FCRL4: variants seen among roughly 807,000 people sequenced by gnomAD.
The protein encoded by FCRL4 is Fc receptor-like protein 4.
Under a neutral mutation model 64.1 loss-of-function variants are expected in FCRL4, and 43 were observed. The ratio of observed to expected loss-of-function variants is 0.67; its 90% CI spans 0.53 to 0.87. FCRL4 has a LOEUF of 0.87. Among genes scored for constraint, FCRL4 ranks in the 40% least tolerant of loss-of-function variants. The pLI is 0.00. For missense variants in FCRL4, 656 were observed against 613.5 expected (o/e 1.07, Z -0.73); for synonymous variants, 253 against 239.8 (o/e 1.05, Z -0.51).
intron 1 of FCRL4, among the ~76,000 whole-genome samples, chr1:157,596,667 T>C (rs1652973784): frequency 6.6e-6 from 1 of 152,258 alleles, no homozygotes; most frequent in South Asian, 2.1e-4. Context: ...AAGGTTTCAA[T>C]TAATGGCTGC....
At chr1:157,595,964 C>A (rs1335460166) in intron 2 of FCRL4, among the ~76,000 whole-genome samples, 1 of 152,236 alleles carries the variant, frequency 6.6e-6, no homozygotes, top group Admixed American at 6.5e-5. Context: ...GGAGCCCCAG[C>A]CTCCCCCTCT....
intron 6 of FCRL4, among the ~76,000 whole-genome samples, chr1:157,582,990 A>G (rs907971224): frequency 6.6e-6 from 1 of 152,242 alleles, no homozygotes; most frequent in Non-Finnish European, 1.5e-5. Flanking sequence ...CCTTCCTGGT[A>G]ACCCTATTTC....
In FCRL4 at chr1:157,573,794, G is replaced by A. The variant is rs933941357; in HGVS notation, c.*1730C>T. ...TAATACTTCAGTATAAGCGCTGAAA[G>A]TGAATATCCTTTTGCTTTTATAAAA... is the stretch of plus-strand genomic sequence containing the variant. On this transcript the variant is annotated 3_prime_UTR_variant, in exon 12 of 12. Transcript: ENST00000271532. 1.6e-5 allele frequency: 3 copies of A among 186,168 alleles called. No homozygotes were observed. Among genetic ancestry groups the A allele is most frequent in the Non-Finnish European group, 3.4e-5 (3 of 88,068 alleles). 11.5% of individuals were successfully genotyped at this position (186,168 alleles called of 1,614,324 possible). A position where few individuals can be genotyped will look rare whatever the true frequency, so the allele number is the denominator to read the frequency against.
rs1440893770 is a variant in FCRL4, at chr1:157,578,559, T to C, written c.1361-17A>G. 1.3e-5 allele frequency: 21 copies of C among 1,607,534 alleles called. No individual in the cohort carries two copies. The highest frequency in any genetic ancestry group is 1.7e-5 in the Non-Finnish European group (20 of 1,174,004). On this transcript the variant is annotated splice_polypyrimidine_tract_variant and intron_variant, in intron 9 of 11. Coordinates refer to ENST00000271532, the MANE Select transcript of FCRL4 (RefSeq NM_031282.3). ...TGGGGTGTACTGGAAAGAAAAGACA[T>C]TTTCAAGGCTGTTCCTGTTAGTATT...
At position 157,596,390 on chromosome 1, in the gene FCRL4, G is replaced by A. The variant is rs996910601; in HGVS notation, c.32-42C>T. On this transcript the variant is annotated intron_variant, in intron 1 of 11. Transcript: ENST00000271532. ...AGCCAGCCATCAGCGTAGGCGAAGA[G>A]TCCCGAACTATTCACCCTGAGAGCC... The A allele has an allele frequency of 9.9e-6, 16 of 1,612,944 alleles. No individual in the cohort carries two copies. The African/African-American group carries it at 1.9e-4, about 19-fold the overall frequency.
rs1056077036 is a variant in FCRL4 at position 157,587,910 on chromosome 1, C to T, written c.517G>A (p.Glu173Lys). The change falls in exon 4 of 12, where the codon GAG becomes AAG. Residue 173 changes from glutamate (E) to lysine (K), a missense_variant. Glu to Lys is a moderately conservative substitution (Grantham distance 56, BLOSUM62 1). Transcript: ENST00000271532. ...AAATTTGATCTAAATACATCATTCT[C>T]GTCTCCATATCCAATGCATCGATAA... is the stretch of plus-strand genomic sequence containing the variant. ...GNYRCIGYGD[E>K]NDVFRSNFKI... 15 of 1,610,254 alleles carry T rather than the reference C, an allele frequency of 9.3e-6. No individual in the cohort carries two copies. The highest frequency in any genetic ancestry group is 1.2e-5 in the Non-Finnish European group (14 of 1,177,194).
At chr1:157,577,291 C>G (rs1652438221) in intron 10 of FCRL4, among the ~76,000 whole-genome samples, 1 of 152,080 alleles carries the variant, frequency 6.6e-6, no homozygotes, top group Admixed American at 6.6e-5. Flanking sequence ...ATATAGAGCT[C>G]CCACCTCAGA....
At position 157,586,411 on chromosome 1, in the gene FCRL4, C is replaced by T; in HGVS notation, c.892G>A (p.Gly298Ser). The change falls in exon 6 of 12, where the codon GGC becomes AGC. Residue 298 changes from glycine to serine, a missense_variant. Physicochemically the swap from Gly to Ser is moderately conservative, Grantham distance 56. Coordinates refer to ENST00000271532, the MANE Select transcript of FCRL4 (RefSeq NM_031282.3). ...GVLLETQPSG[G>S]QAVEGEMLVL... ...AGCATCTCCCCTTCAACAGCCTGGC[C>T]CCCTGAGGGCTGGGTCTCCAGGAGC... 1 of 1,612,444 alleles carries T rather than the reference C, an allele frequency of 6.2e-7. No homozygotes were observed. The highest frequency in any genetic ancestry group is 8.5e-7 in the Non-Finnish European group (1 of 1,179,962).
In FCRL4 at chr1:157,574,865, A is replaced by G; in HGVS notation, c.*659T>C. On this transcript the variant is annotated 3_prime_UTR_variant, in exon 12 of 12. Transcript: ENST00000271532. ...ATGTTGCAAATCTTTGTCACTAATG[A>G]CATTAACATAATTATCATTTGCTTT... 4.8e-6 allele frequency: 1 copy of G among 210,344 alleles called. No homozygotes were observed. 13.0% of individuals were successfully genotyped at this position (210,344 alleles called of 1,614,324 possible).
chr1:157,585,291 T>C (rs560320313), intron 6 of FCRL4, among the ~76,000 whole-genome samples: 4 of 151,356 alleles, frequency 2.6e-5, no homozygotes, highest in Admixed American at 2.6e-4. Flanking sequence ...TTTCCCTCTT[T>C]CTTTCTTTCT....
chr1:157,574,702 T>C lies in FCRL4; in HGVS notation c.*822A>G, dbSNP rs1164612757. Reference sequence around the variant, plus strand: ...GCTAAGGGGTTGGTAATTATTTCAGTGAACAGACGTAGGAAATATTTATCT... The same window carrying C: ...GCTAAGGGGTTGGTAATTATTTCAGCGAACAGACGTAGGAAATATTTATCT... On this transcript the variant is annotated 3_prime_UTR_variant, in exon 12 of 12. Transcript: ENST00000271532. 2 of 211,872 alleles carry C rather than the reference T, an allele frequency of 9.4e-6. No homozygotes were observed. The highest frequency in any genetic ancestry group is 4.5e-5 in the African/African-American group (2 of 44,190). The allele number at this position is 211,872 out of a possible 1,614,324, so 13.1% of individuals were successfully genotyped here. A position where few individuals can be genotyped will look rare whatever the true frequency, so the allele number is the denominator to read the frequency against.
chr1:157,587,411 A>G lies in FCRL4; in HGVS notation c.712T>C (p.Ser238Pro). The change falls in exon 5 of 12, where the codon TCA becomes CCA. Residue 238 changes from serine (S) to proline (P), a missense_variant. Ser to Pro is a moderately conservative substitution (Grantham distance 74). Coordinates refer to ENST00000271532, the MANE Select transcript of FCRL4 (RefSeq NM_031282.3). ...NFFRDGEVIL[S>P]DWSTYPELQL... Reference sequence around the variant, plus strand: ...AGTTCCGGGTACGTGCTCCAGTCTGACAGGATGACCTCGCCATCTCTGAAG... The same window carrying G: ...AGTTCCGGGTACGTGCTCCAGTCTGGCAGGATGACCTCGCCATCTCTGAAG... The G allele has an allele frequency of 6.2e-7, 1 of 1,614,196 alleles. No individual in the cohort carries two copies.
intron 8 of FCRL4, 38 bp downstream of exon 8, chr1:157,580,283 G>C (rs200548642): frequency 7.4e-6 from 12 of 1,612,060 alleles, no homozygotes; most frequent in Non-Finnish European, 1.0e-5. Flanking sequence ...TTGTGTACTC[G>C]GGAAACTAAA....
In FCRL4 at chr1:157,574,655, C is replaced by T. The variant is rs1652359524; in HGVS notation, c.*869G>A. On this transcript the variant is annotated 3_prime_UTR_variant, in exon 12 of 12. Transcript: ENST00000271532. Reference sequence around the variant, plus strand: ...GGGAATGGTATTTAGAGAATAAAACCTCTCTGCAAGGAGTGCTTATTGCTA... The same window carrying T: ...GGGAATGGTATTTAGAGAATAAAACTTCTCTGCAAGGAGTGCTTATTGCTA... 1 of 209,972 alleles carries T rather than the reference C, an allele frequency of 4.8e-6. No individual in the cohort carries two copies. Among genetic ancestry groups the T allele is most frequent in the Admixed American group, 5.9e-5 (1 of 17,004 alleles). The allele number at this position is 209,972 out of a possible 1,614,324, so 13.0% of individuals were successfully genotyped here.
intron 6 of FCRL4, among the ~76,000 whole-genome samples, chr1:157,584,273 C>T (rs920616718): frequency 6.6e-6 from 1 of 152,080 alleles, no homozygotes; most frequent in Non-Finnish European, 1.5e-5. Flanking sequence ...TTTGCTAATC[C>T]CTTCTTCCTC....
chr1:157,578,882 C>T, intron 8 of FCRL4, 30 bp from the exon 9 acceptor site: 1 of 1,553,914 alleles, frequency 6.4e-7, no homozygotes, highest in South Asian at 1.2e-5. Flanking sequence ...ATAATAATCC[C>T]TGGAACACTG....
chr1:157,583,442 T>A (rs1467545591), intron 6 of FCRL4, among the ~76,000 whole-genome samples: 1 of 152,170 alleles, frequency 6.6e-6, no homozygotes, highest in African/African-American at 2.4e-5. Context: ...CCCAATGTGA[T>A]GGTATTTGGA....
chr1:157,595,476 GAAGGGACAT>G (rs932045316), intron 2 of FCRL4, among the ~76,000 whole-genome samples: 1 of 152,256 alleles, frequency 6.6e-6, no homozygotes, highest in African/African-American at 2.4e-5. Flanking sequence ...CTATGGCCAG[GAAGGGACAT>G]AACTTTTCAT....
At position 157,580,314 on chromosome 1, in the gene FCRL4, G is replaced by GTC. The variant is rs746507019; in HGVS notation, c.1277+5_1277+6dup. The GTC allele has an allele frequency of 5.0e-6, 8 of 1,614,088 alleles. No homozygotes were observed. In the East Asian group the frequency reaches 1.8e-4, roughly 36 times the overall value. ...CTAAAAAGGAATGGCAGAAACTGAGGTCTCACCTGGTTTCGTCTCCCAAGA... is the reference window on the plus strand; with the variant it reads ...CTAAAAAGGAATGGCAGAAACTGAGGTCTCTCACCTGGTTTCGTCTCCCAAGA... On this transcript the variant is annotated splice_region_variant and intron_variant, in intron 8 of 11. Coordinates refer to ENST00000271532, the MANE Select transcript of FCRL4 (RefSeq NM_031282.3).
Sources: allele counts gnomAD v4.1 joint callset (sites outside exome capture counted in the v4.1 genomes callset), GRCh38; gene constraint gnomAD v4.1.1; transcripts MANE v1.5; gene names NCBI Gene and HGNC (gene_info 2026-07-23, HGNC 2026-07-21).